Variants in SMARCC1 observed in about 807,000 individuals in gnomAD.
SMARCC1 encodes SWI/SNF complex subunit SMARCC1.
A neutral mutation model predicts 147.4 loss-of-function variants in SMARCC1; 43 were observed. The observed-to-expected ratio is 0.29, with a 90% confidence interval of 0.23 to 0.38. The LOEUF is 0.38. Ranked by LOEUF, SMARCC1 falls within the 10% of genes least tolerant of loss-of-function variation. The pLI is 1.00. For synonymous variants in SMARCC1, 495 were observed against 484.4 expected (o/e 1.02, Z -0.29); for missense variants, 1,119 against 1,381.1 (o/e 0.81, Z 3.01).
intron 7 of SMARCC1, among the ~76,000 whole-genome samples, chr3:47,716,510 T>C (rs780652549): frequency 1.3e-5 from 2 of 151,760 alleles, no homozygotes; most frequent in Non-Finnish European, 2.9e-5. Context: ...CAGGCCATAG[T>C]TAATTTTTAA....
At chr3:47,591,842 T>C (rs2032189315) in intron 26 of SMARCC1, among the ~76,000 whole-genome samples, 1 of 152,168 alleles carries the variant, frequency 6.6e-6, no homozygotes, top group African/African-American at 2.4e-5. Flanking sequence ...ACTCTTCCTA[T>C]TGTTTTCTAA....
chr3:47,682,606 T>C (rs2033668120), intron 14 of SMARCC1, among the ~76,000 whole-genome samples: 1 of 152,218 alleles, frequency 6.6e-6, no homozygotes. Flanking sequence ...ATGTGTGTCC[T>C]CTTAGGCCAT....
intron 1 of SMARCC1, among the ~76,000 whole-genome samples, chr3:47,773,899 T>G (rs1182936771): frequency 1.3e-5 from 2 of 152,150 alleles, no homozygotes; most frequent in African/African-American, 4.8e-5. Flanking sequence ...CCCAAAGCGC[T>G]AGGATTACAG....
chr3:47,676,792 A>G lies in SMARCC1; in HGVS notation c.1572-10T>C, dbSNP rs375231576. 4.5e-5 allele frequency: 72 copies of G among 1,610,194 alleles called. No individual in the cohort carries two copies. The highest frequency in any genetic ancestry group is 5.5e-5 in the Non-Finnish European group (65 of 1,178,780). Reference sequence around the variant, plus strand: ...TAAAAAGGCATGGACCCTAAAGAATAAAGCTCGGAAAGTTAAAATCTAAAG... The same window carrying G: ...TAAAAAGGCATGGACCCTAAAGAATGAAGCTCGGAAAGTTAAAATCTAAAG... On this transcript the variant is annotated splice_polypyrimidine_tract_variant and intron_variant, in intron 16 of 27. Coordinates refer to ENST00000254480, the MANE Select transcript of SMARCC1 (RefSeq NM_003074.4).
intron 19 of SMARCC1, chr3:47,664,049 G>T: frequency 1.8e-6 from 1 of 566,758 alleles, no homozygotes. Flanking sequence ...ATGCGTCGTT[G>T]GGGGAGGAAG....
intron 3 of SMARCC1, among the ~76,000 whole-genome samples, chr3:47,740,178 CTTTTTTT>C (rs34523367): frequency 5.9e-4 from 21 of 35,708 alleles, no homozygotes; most frequent in African/African-American, 1.5e-3. Context: ...GCCCGGCCAT[CTTTTTTT>C]TTTTTTTTTT....
At chr3:47,713,296 C>T (rs1014799905) in intron 8 of SMARCC1, among the ~76,000 whole-genome samples, 3 of 150,472 alleles carry the variant, frequency 2.0e-5, no homozygotes, top group African/African-American at 2.5e-5. Flanking sequence ...CCAGCCTGGG[C>T]GACAGAGCCA....
intron 11 of SMARCC1, among the ~76,000 whole-genome samples, chr3:47,696,272 G>A (rs1014389305): frequency 6.6e-6 from 1 of 151,958 alleles, no homozygotes; most frequent in Non-Finnish European, 1.5e-5. Flanking sequence ...TACTCAGGAG[G>A]CTGAGGCAGG....
At position 47,781,668 on chromosome 3, in the gene SMARCC1, C is replaced by G. The variant is rs1263277409; in HGVS notation, c.130G>C (p.Glu44Gln). 1.4e-5 allele frequency: 22 copies of G among 1,559,282 alleles called. No individual in the cohort carries two copies. The highest frequency in any genetic ancestry group is 1.8e-5 in the Non-Finnish European group (21 of 1,156,866). The change falls in exon 1 of 28, where the codon GAG becomes CAG. Residue 44 changes from glutamate to glutamine, a missense_variant. By Grantham distance (29) the Glu-to-Gln change is conservative. Around this residue, in one of 6 missense-constraint regions of SMARCC1, gnomAD observed 542 missense variants for 611.8 expected, o/e 0.89. Transcript: ENST00000254480. ...KDGGPATKFWESPETVSQLDS... is the reference protein window; with the variant it reads ...KDGGPATKFWQSPETVSQLDS... Reference sequence around the variant, plus strand: ...AGCTGGGACACCGTCTCCGGGCTCTCCCAAAACTTGGTGGCCGGGCCCCCA... The same window carrying G: ...AGCTGGGACACCGTCTCCGGGCTCTGCCAAAACTTGGTGGCCGGGCCCCCA...
intron 5 of SMARCC1, among the ~76,000 whole-genome samples, chr3:47,731,849 T>C (rs1302645621): frequency 6.6e-6 from 1 of 152,148 alleles, no homozygotes; most frequent in African/African-American, 2.4e-5. Flanking sequence ...ACAGGCAAAA[T>C]AGATGTACAA....
At chr3:47,660,866 G>T (rs1239973619) in intron 21 of SMARCC1, among the ~76,000 whole-genome samples, 1 of 152,126 alleles carries the variant, frequency 6.6e-6, no homozygotes, top group Non-Finnish European at 1.5e-5. Context: ...CTTTTAAGCA[G>T]TTAAAATGAG....
At chr3:47,620,324 G>A (rs374461390) in intron 25 of SMARCC1, among the ~76,000 whole-genome samples, 2 of 152,088 alleles carry the variant, frequency 1.3e-5, no homozygotes, top group African/African-American at 2.4e-5. Flanking sequence ...TTAGCTGGGC[G>A]TGGTGGCGCA....
chr3:47,656,688 G>A (rs546978861), intron 21 of SMARCC1, among the ~76,000 whole-genome samples: 1 of 152,286 alleles, frequency 6.6e-6, no homozygotes, highest in South Asian at 2.1e-4. Flanking sequence ...GCAGACATGG[G>A]TGGATCACTT....
chr3:47,596,485 T>G (rs2032284062), intron 26 of SMARCC1, among the ~76,000 whole-genome samples: 1 of 151,096 alleles, frequency 6.6e-6, no homozygotes, highest in Non-Finnish European at 1.5e-5. Context: ...GGGAATTGCT[T>G]GAACGTGGGA....
chr3:47,588,304 G>A lies in SMARCC1; in HGVS notation c.3223C>T (p.Pro1075Ser). Reference protein sequence around the residue: ...VPLTAPNGMYPPPPQQQPPPP... With the variant: ...VPLTAPNGMYSPPPQQQPPPP... ...GGTGGCTGCTGCTGTGGTGGAGGGG[G>A]ATCTGCAAACATATCCAAGAGTAAC... is the stretch of plus-strand genomic sequence containing the variant. Residue 1075 changes from proline (P) to serine (S), a missense_variant and splice_region_variant, in exon 28 of 28, where the codon CCC becomes TCC. Coordinates refer to ENST00000254480, the MANE Select transcript of SMARCC1 (RefSeq NM_003074.4). The A allele has an allele frequency of 6.2e-7, 1 of 1,613,532 alleles. No individual in the cohort carries two copies.
chr3:47,638,789 A>G lies in SMARCC1; in HGVS notation c.2321-9T>C, dbSNP rs1288465892. ...TTCCTCTTCAGCTCCTTCTACAAGT[A>G]AAAGAATAAGAACAAGTACTCCAAT... On this transcript the variant is annotated splice_polypyrimidine_tract_variant and intron_variant, in intron 21 of 27. Transcript: ENST00000254480. The G allele has an allele frequency of 5.0e-6, 8 of 1,604,758 alleles. No individual in the cohort carries two copies. The highest frequency in any genetic ancestry group is 2.2e-5 in the East Asian group (1 of 44,852).
At chr3:47,710,903 A>C in intron 8 of SMARCC1, 95 bp from the exon 9 acceptor site, 1 of 918,262 alleles carries the variant, frequency 1.1e-6, no homozygotes, top group Non-Finnish European at 1.6e-6. Flanking sequence ...TTATTTTCAA[A>C]GCCTCAAATG....
chr3:47,667,409 T>A (rs1330204560), intron 19 of SMARCC1, among the ~76,000 whole-genome samples: 3 of 152,072 alleles, frequency 2.0e-5, no homozygotes, highest in Non-Finnish European at 4.4e-5. Context: ...ATAGCCTTTA[T>A]GTCTATTAAT....
intron 2 of SMARCC1, among the ~76,000 whole-genome samples, chr3:47,766,400 T>C (rs1453083899): frequency 6.8e-6 from 1 of 147,728 alleles, no homozygotes; most frequent in Non-Finnish European, 1.5e-5. Flanking sequence ...ACCCTGTCTC[T>C]ACAAAAAAAA....
Sources: gnomAD v4.1 joint callset for allele counts (sites outside exome capture counted in the v4.1 genomes callset) on GRCh38, gnomAD v4.1.1 for gene constraint, gnomAD v4.1.1 regional missense constraint, MANE v1.5 for transcripts, NCBI Gene and HGNC (gene_info 2026-07-23, HGNC 2026-07-21) for gene names.